The following GPM6A variants were observed in gnomAD, a reference collection of about 807,000 sequenced individuals.
GPM6A encodes neuronal membrane glycoprotein M6-a.
A neutral mutation model predicts 32.1 loss-of-function variants in GPM6A; 7 were observed. The ratio of observed to expected loss-of-function variants is 0.22; its 90% CI spans 0.12 to 0.41. GPM6A has a LOEUF of 0.41. GPM6A is among the 10% of genes least tolerant of loss of function. GPM6A has a pLI of 1.00. For synonymous variants in GPM6A, 130 were observed against 123.4 expected (o/e 1.05, Z -0.35); for missense variants, 235 against 347.2 (o/e 0.68, Z 2.57).
At chr4:175,749,291 TATA>T in intron 1 of GPM6A, among the ~76,000 whole-genome samples, 1 of 152,174 alleles carries the variant, frequency 6.6e-6, no homozygotes, top group South Asian at 2.1e-4. Flanking sequence ...CCATAACAAA[TATA>T]ATAATAATGA....
chr4:175,951,365 A>C (rs1739805709), intron 1 of GPM6A, among the ~76,000 whole-genome samples: 1 of 152,236 alleles, frequency 6.6e-6, no homozygotes, highest in Non-Finnish European at 1.5e-5. Flanking sequence ...AACAGTAAAA[A>C]TAGATATTGA....
At chr4:175,675,988 C>T (rs749076551) in intron 2 of GPM6A, among the ~76,000 whole-genome samples, 4 of 152,096 alleles carry the variant, frequency 2.6e-5, no homozygotes, top group South Asian at 2.1e-4. Flanking sequence ...AGAGACCCAC[C>T]GGGAGGTAGG....
At chr4:175,959,599 G>T (rs1157943984) in intron 1 of GPM6A, among the ~76,000 whole-genome samples, 1 of 152,152 alleles carries the variant, frequency 6.6e-6, no homozygotes, top group Non-Finnish European at 1.5e-5. Context: ...CACTAGAGAT[G>T]TATGCACAAT....
At chr4:175,779,184 T>C (rs1301781565) in intron 1 of GPM6A, among the ~76,000 whole-genome samples, 1 of 152,202 alleles carries the variant, frequency 6.6e-6, no homozygotes, top group Non-Finnish European at 1.5e-5. Flanking sequence ...CTGTGAGCAC[T>C]GCAGTTTCTC....
chr4:175,820,880 A>T (rs1256293007), intron 1 of GPM6A, among the ~76,000 whole-genome samples: 1 of 152,158 alleles, frequency 6.6e-6, no homozygotes, highest in African/African-American at 2.4e-5. Flanking sequence ...CTTTTAATGT[A>T]TATGCGGATC....
At chr4:175,635,375 G>C (rs1740518897) in intron 6 of GPM6A, among the ~76,000 whole-genome samples, 1 of 151,924 alleles carries the variant, frequency 6.6e-6, no homozygotes, top group Admixed American at 6.6e-5. Flanking sequence ...AACCATAGAT[G>C]ATTCATTTCA....
chr4:175,993,680 A>G (rs1741219690), intron 1 of GPM6A, among the ~76,000 whole-genome samples: 1 of 152,208 alleles, frequency 6.6e-6, no homozygotes, highest in Admixed American at 6.5e-5. Flanking sequence ...TCATAGGCAA[A>G]TAGCTTGATG....
At chr4:175,976,329 T>A (rs1297304583) in intron 1 of GPM6A, among the ~76,000 whole-genome samples, 2 of 22,770 alleles carry the variant, frequency 8.8e-5, no homozygotes, top group Admixed American at 1.8e-3. Flanking sequence ...GCCTGGCTAA[T>A]TTTTTTTTTT....
chr4:175,927,285 T>C (rs1205322272), intron 1 of GPM6A, among the ~76,000 whole-genome samples: 1 of 152,260 alleles, frequency 6.6e-6, no homozygotes, highest in Non-Finnish European at 1.5e-5. Context: ...AACTATTCAC[T>C]GACCACAGTT....
chr4:175,928,064 C>A (rs1738906330), intron 1 of GPM6A, among the ~76,000 whole-genome samples: 1 of 152,050 alleles, frequency 6.6e-6, no homozygotes, highest in South Asian at 2.1e-4. Flanking sequence ...GGACGTGAAA[C>A]TGCAGTGGTT....
chr4:175,944,217 T>A lies in GPM6A; in HGVS notation c.-23+58092A>T, dbSNP rs192303492. Reference sequence around the variant, plus strand: ...ATGTACCAATGTCTTTTTCATTATATGTGGTAATAAAGTGCCAAAAAACAA... The same window carrying A: ...ATGTACCAATGTCTTTTTCATTATAAGTGGTAATAAAGTGCCAAAAAACAA... On this transcript the variant is annotated intron_variant, in intron 1 of 7. Transcript: ENST00000280187. 1.8e-4 allele frequency among the ~76,000 whole-genome samples: 27 copies of A among 152,302 alleles called. No homozygotes were observed. In the East Asian group the frequency reaches 5.2e-3, roughly 29 times the overall value.
chr4:175,673,079 T>C (rs560365598), intron 3 of GPM6A, among the ~76,000 whole-genome samples: 1 of 152,282 alleles, frequency 6.6e-6, no homozygotes, highest in South Asian at 2.1e-4. Context: ...GAAAAATTAT[T>C]CTGTATAAAA....
chr4:175,992,035 G>C (rs1741162328), intron 1 of GPM6A, among the ~76,000 whole-genome samples: 1 of 136,396 alleles, frequency 7.3e-6, no homozygotes, highest in African/African-American at 2.8e-5. Flanking sequence ...AAAAAAACAA[G>C]AACCCCCTAC....
intron 1 of GPM6A, among the ~76,000 whole-genome samples, chr4:175,991,854 T>C (rs911152197): frequency 6.6e-6 from 1 of 152,178 alleles, no homozygotes; most frequent in Non-Finnish European, 1.5e-5. Flanking sequence ...GATGGTCATT[T>C]TTACCTGGAG....
upstream of GPM6A, chr4:176,002,370 G>A (rs1192218050): frequency 6.4e-7 from 1 of 1,564,282 alleles, no homozygotes; most frequent in African/African-American, 1.4e-5. Flanking sequence ...CAGACGCTGC[G>A]CGGGGCCAAG....
At chr4:175,883,806 T>A (rs377110871) in intron 1 of GPM6A, among the ~76,000 whole-genome samples, 2 of 152,200 alleles carry the variant, frequency 1.3e-5, no homozygotes, top group African/African-American at 4.8e-5. Flanking sequence ...AATATTGACA[T>A]TAAATTCACT....
chr4:176,002,048 C>G (rs112172863), intron 1 of GPM6A, among the ~76,000 whole-genome samples: 9 of 152,244 alleles, frequency 5.9e-5, no homozygotes, highest in South Asian at 2.1e-4. Flanking sequence ...AGCGCCCAAG[C>G]GCAGCCCCCC....
intron 1 of GPM6A, among the ~76,000 whole-genome samples, chr4:175,987,326 T>C (rs1335074419): frequency 6.6e-6 from 1 of 152,118 alleles, no homozygotes; most frequent in Non-Finnish European, 1.5e-5. Context: ...CCTAACAATA[T>C]CCATAAAAGC....
In GPM6A at chr4:175,659,499, T is replaced by C. The variant is rs1383652345; in HGVS notation, c.388-7512A>G. Among the ~76,000 whole-genome samples the C allele has an allele frequency of 2.0e-5, 3 of 152,208 alleles. No homozygotes were observed. In the East Asian group the frequency reaches 5.8e-4, roughly 29 times the overall value. ...GTATTGAAAGTATTCAATGTCCTTT[T>C]TTAAAAATAGTTAAGAGAAAAATAA... On this transcript the variant is annotated intron_variant, in intron 3 of 6. Transcript: ENST00000393658.
Sources: allele counts gnomAD v4.1 joint callset (sites outside exome capture counted in the v4.1 genomes callset), GRCh38; gene constraint gnomAD v4.1.1; transcripts MANE v1.5; gene names NCBI Gene and HGNC (gene_info 2026-07-23, HGNC 2026-07-21).